The following PRKN variants were observed in gnomAD, a reference collection of about 807,000 sequenced individuals.
PRKN encodes the protein parkin RBR E3 ubiquitin protein ligase, also known as E3 ubiquitin-protein ligase parkin.
A neutral mutation model predicts 59.5 loss-of-function variants in PRKN; 56 were observed. The ratio of observed to expected loss-of-function variants is 0.94; its 90% CI spans 0.76 to 1.18. The LOEUF is 1.18. PRKN is among the 50% of genes most tolerant of loss of function. The probability of loss-of-function intolerance (pLI) is 0.00; values close to 1 mark genes in which losing one functional copy is unlikely to be tolerated. For missense variants in PRKN, 657 were observed against 596.4 expected, an observed-to-expected ratio of 1.10 and a Z score of -1.06; for synonymous variants, 250 against 222.1, an observed-to-expected ratio of 1.13 and a Z score of -1.12.
chr6:161,945,837 G>A (rs1392422627), intron 6 of PRKN, among the ~76,000 whole-genome samples: 1 of 152,172 alleles, frequency 6.6e-6, no homozygotes, highest in Non-Finnish European at 1.5e-5. Flanking sequence ...CTCACAATAT[G>A]TGTCACACCC....
In PRKN at chr6:161,356,158, C is replaced by A. The variant is rs1321842662; in HGVS notation, c.1285+3930G>T. 1.3e-5 allele frequency among the ~76,000 whole-genome samples: 2 copies of A among 152,198 alleles called. No individual in the cohort carries two copies. Among genetic ancestry groups the A allele is most frequent in the African/African-American group, 4.8e-5 (2 of 41,450 alleles). On this transcript the variant is annotated intron_variant, in intron 11 of 11. Coordinates refer to ENST00000366898, the MANE Select transcript of PRKN (RefSeq NM_004562.3). The surrounding 1 kb of genome is among the most constrained non-coding windows in gnomAD (Gnocchi z 7.8). ...CTAATTGTCTTGGCAGAGGTGATTTCCCAGAGGGCTCAAGGCCATCCACAG... is the reference window on the plus strand; with the variant it reads ...CTAATTGTCTTGGCAGAGGTGATTTACCAGAGGGCTCAAGGCCATCCACAG...
chr6:162,431,610 T>C (rs1186218311), intron 2 of PRKN, among the ~76,000 whole-genome samples: 1 of 152,104 alleles, frequency 6.6e-6, no homozygotes, highest in Non-Finnish European at 1.5e-5. Flanking sequence ...AAACACTCTT[T>C]ATAAGTAAAA....
rs7755241 is a variant in PRKN, at chr6:162,249,716, T to C, written c.412+12809A>G. On this transcript the variant is annotated intron_variant, in intron 3 of 11. Transcript: ENST00000366898. ...CTGGGTCAAATTATATGGCTATAGA[T>C]TTGTAAAGCAAACTCAAGCAGGCCT... 1.6e-3 allele frequency among the ~76,000 whole-genome samples: 238 copies of C among 152,270 alleles called. 1 individual carries two copies. Among genetic ancestry groups the C allele is most frequent in the African/African-American group, 5.3e-3 (221 of 41,568 alleles).
At chr6:162,089,627 G>A (rs1779392495) in intron 4 of PRKN, among the ~76,000 whole-genome samples, 1 of 152,134 alleles carries the variant, frequency 6.6e-6, no homozygotes, top group South Asian at 2.1e-4. Context: ...CAAGGAAGTA[G>A]AAACAACCCA....
chr6:161,749,205 C>T (rs927051524), intron 7 of PRKN, among the ~76,000 whole-genome samples: 3 of 152,166 alleles, frequency 2.0e-5, no homozygotes, highest in African/African-American at 7.2e-5. Context: ...GGCGCAGCTT[C>T]GCCTATTTCT....
chr6:161,436,964 C>A (rs1788941975), intron 9 of PRKN, among the ~76,000 whole-genome samples: 1 of 152,072 alleles, frequency 6.6e-6, no homozygotes, highest in African/African-American at 2.4e-5. Context: ...AAAATAACAA[C>A]TAGGATGCTT....
At chr6:162,479,757 GT>G (rs749892002) in intron 1 of PRKN, among the ~76,000 whole-genome samples, 3 of 148,554 alleles carry the variant, frequency 2.0e-5, no homozygotes, top group African/African-American at 7.4e-5. Flanking sequence ...ACAGTTATCT[GT>G]TTTTTTTTCT....
chr6:162,716,786 G>A (rs937649859), intron 1 of PRKN, among the ~76,000 whole-genome samples: 79 of 148,822 alleles, frequency 5.3e-4, no homozygotes, highest in Non-Finnish European at 5.7e-4. Context: ...ACACACACGC[G>A]CACACACACA....
chr6:161,381,457 T>G (rs981367330), intron 10 of PRKN, among the ~76,000 whole-genome samples: 3 of 152,204 alleles, frequency 2.0e-5, no homozygotes, highest in Non-Finnish European at 4.4e-5. Flanking sequence ...AATAAGATGG[T>G]GTACGTGAAA....
At chr6:161,416,210 A>G (rs1787842282) in intron 9 of PRKN, among the ~76,000 whole-genome samples, 2 of 152,038 alleles carry the variant, frequency 1.3e-5, no homozygotes, top group Admixed American at 1.3e-4. Context: ...GGCCACTTTC[A>G]CAGAATGACC....
At chr6:162,011,252 A>ATTATATAC (rs1782662014) in intron 5 of PRKN, among the ~76,000 whole-genome samples, 3 of 108,860 alleles carry the variant, frequency 2.8e-5, no homozygotes, top group African/African-American at 3.6e-5. Flanking sequence ...AATATATATA[A>ATTATATAC]TATAGTATAT....
At chr6:161,716,022 A>G in intron 7 of PRKN, 4 of 975,874 alleles carry the variant, frequency 4.1e-6, no homozygotes. Context: ...TCTTCTGGGG[A>G]ATTGGATCTG....
At chr6:162,014,582 T>C (rs1263998863) in intron 5 of PRKN, among the ~76,000 whole-genome samples, 4 of 152,120 alleles carry the variant, frequency 2.6e-5, no homozygotes, top group Non-Finnish European at 5.9e-5. Flanking sequence ...CAGTGCACCA[T>C]TCCATGGAGG....
intron 2 of PRKN, among the ~76,000 whole-genome samples, chr6:162,313,808 T>G (rs1000290221): frequency 3.3e-5 from 5 of 152,104 alleles, no homozygotes; most frequent in African/African-American, 9.7e-5. Context: ...TTTTTGTTTA[T>G]CCATTCACAC....
chr6:162,160,992 A>C (rs969438105), intron 4 of PRKN, among the ~76,000 whole-genome samples: 20 of 152,020 alleles, frequency 1.3e-4, no homozygotes, highest in Non-Finnish European at 2.8e-4. Flanking sequence ...TTATGCAGAA[A>C]TCACTGTCAT....
chr6:161,539,062 C>T (rs1264766735), intron 9 of PRKN, among the ~76,000 whole-genome samples: 2 of 152,206 alleles, frequency 1.3e-5, no homozygotes, highest in African/African-American at 4.8e-5. Context: ...TCTGCCCTTA[C>T]CCCCAAGGGG....
At chr6:161,928,087 C>T (rs1401506505) in intron 6 of PRKN, among the ~76,000 whole-genome samples, 1 of 152,180 alleles carries the variant, frequency 6.6e-6, no homozygotes. Context: ...GGATTAGTGT[C>T]TTTATGAAAG....
intron 7 of PRKN, among the ~76,000 whole-genome samples, chr6:161,632,958 G>A (rs1339241918): frequency 6.6e-6 from 1 of 152,176 alleles, no homozygotes; most frequent in Non-Finnish European, 1.5e-5. Flanking sequence ...TGAGATTTGG[G>A]TGGGGACACA....
chr6:162,339,032 G>A (rs1464627862), intron 2 of PRKN, among the ~76,000 whole-genome samples: 1 of 149,614 alleles, frequency 6.7e-6, no homozygotes, highest in Non-Finnish European at 1.5e-5. Context: ...CCCCGTCTGA[G>A]AAGTGAGGAG....
Sources: gnomAD v4.1 joint callset for allele counts (sites outside exome capture counted in the v4.1 genomes callset) on GRCh38, gnomAD v4.1.1 for gene constraint, Gnocchi (gnomAD v3.1) non-coding constraint, MANE v1.5 for transcripts, NCBI Gene and HGNC (gene_info 2026-07-23, HGNC 2026-07-21) for gene names.